Variants in MAP3K7CL observed in about 807,000 individuals in gnomAD.
MAP3K7CL encodes MAP3K7 C-terminal like.
A neutral mutation model predicts 18.6 loss-of-function variants in MAP3K7CL; 16 were observed. The observed-to-expected ratio is 0.86, with a 90% CI of 0.58 to 1.31. MAP3K7CL has a LOEUF of 1.31. Among genes scored for constraint, MAP3K7CL ranks in the 50% most tolerant of loss-of-function variants. MAP3K7CL has a pLI of 0.00. For missense variants in MAP3K7CL, 163 were observed against 174.4 expected, an observed-to-expected ratio of 0.93 and a Z score of 0.37; for synonymous variants, 65 against 66.8, an observed-to-expected ratio of 0.97 and a Z score of 0.13.
chr21:29,092,789 G>A (rs1334721233), intron 4 of MAP3K7CL, among the ~76,000 whole-genome samples: 3 of 152,158 alleles, frequency 2.0e-5, no homozygotes, highest in African/African-American at 7.2e-5. Context: ...ACCAGGCAGG[G>A]GCTGCAGTTT....
intron 4 of MAP3K7CL, among the ~76,000 whole-genome samples, chr21:29,173,721 A>G (rs2087898258): frequency 6.6e-6 from 1 of 152,102 alleles, no homozygotes; most frequent in African/African-American, 2.4e-5. Flanking sequence ...TCCTTTTTTG[A>G]GACAGGATCT....
At chr21:29,083,846 G>A (rs1357781782), upstream of MAP3K7CL, among the ~76,000 whole-genome samples, 2 of 147,828 alleles carry the variant, frequency 1.4e-5, no homozygotes, top group Non-Finnish European at 1.5e-5. Context: ...GTGTGTGTGT[G>A]TATATATGTG....
At chr21:29,136,825 A>G (rs182084624) in intron 2 of MAP3K7CL, among the ~76,000 whole-genome samples, 26 of 152,254 alleles carry the variant, frequency 1.7e-4, no homozygotes, top group Middle Eastern at 3.4e-3. Context: ...CTGGCCCGAC[A>G]TGTTCATTTC....
upstream of MAP3K7CL, among the ~76,000 whole-genome samples, chr21:29,084,068 A>C (rs1601116510): frequency 6.7e-6 from 1 of 148,336 alleles, no homozygotes; most frequent in Non-Finnish European, 1.5e-5. Context: ...ATATACATGT[A>C]TAATATGTAT....
chr21:29,083,472 G>A (rs1356449403), upstream of MAP3K7CL, among the ~76,000 whole-genome samples: 1 of 152,130 alleles, frequency 6.6e-6, no homozygotes, highest in Non-Finnish European at 1.5e-5. Flanking sequence ...ATCTCTACTC[G>A]ATGCCTGTTT....
chr21:29,131,827 A>G (rs2086786732), intron 1 of MAP3K7CL, among the ~76,000 whole-genome samples: 1 of 152,176 alleles, frequency 6.6e-6, no homozygotes, highest in African/African-American at 2.4e-5. Flanking sequence ...GTATATATAT[A>G]TGCATTGGCT....
At chr21:29,150,027 C>T (rs1368292877) in intron 3 of MAP3K7CL, among the ~76,000 whole-genome samples, 1 of 152,166 alleles carries the variant, frequency 6.6e-6, no homozygotes, top group African/African-American at 2.4e-5. Context: ...ATTTCTTAGT[C>T]ACCACTTTTT....
At chr21:29,147,489 G>A (rs1213761708) in intron 2 of MAP3K7CL, among the ~76,000 whole-genome samples, 3 of 151,676 alleles carry the variant, frequency 2.0e-5, no homozygotes, top group Non-Finnish European at 2.9e-5. Context: ...TATCTGTACT[G>A]TATACATGTG....
At chr21:29,099,620 T>C (rs953908845) in intron 4 of MAP3K7CL, among the ~76,000 whole-genome samples, 1 of 152,202 alleles carries the variant, frequency 6.6e-6, no homozygotes, top group African/African-American at 2.4e-5. Context: ...GTCTGTGTAC[T>C]GAGTTGTAGC....
upstream of MAP3K7CL, chr21:29,127,919 CTG>C (rs1306795663): frequency 3.3e-5 from 5 of 152,252 alleles, no homozygotes; most frequent in Non-Finnish European, 7.3e-5. Flanking sequence ...CTTTCTATCT[CTG>C]TATGGTTCTT....
intron 1 of MAP3K7CL, among the ~76,000 whole-genome samples, chr21:29,089,168 CAAAAAAAAAAAAAAA>C (rs748166183): frequency 1.0e-4 from 7 of 68,530 alleles, no homozygotes; most frequent in South Asian, 7.3e-4. Context: ...GACTCCGTCT[CAAAAAAAAAAAAAAA>C]AAAAAAAAAA....
At chr21:29,100,083 TAAA>T (rs397727880) in intron 4 of MAP3K7CL, among the ~76,000 whole-genome samples, 13 of 122,812 alleles carry the variant, frequency 1.1e-4, no homozygotes, top group South Asian at 7.8e-4. Flanking sequence ...ACTCCGTCTT[TAAA>T]AAAAAAAAAA....
At chr21:29,085,259 G>A (rs898516604), upstream of MAP3K7CL, 1 of 152,240 alleles carries the variant, frequency 6.6e-6, no homozygotes, top group African/African-American at 2.4e-5. Flanking sequence ...GACCAACAAG[G>A]GCTTGACATG....
At chr21:29,154,006 A>G (rs1387376777) in intron 3 of MAP3K7CL, among the ~76,000 whole-genome samples, 1 of 152,206 alleles carries the variant, frequency 6.6e-6, no homozygotes, top group Non-Finnish European at 1.5e-5. Flanking sequence ...AAGAATGACA[A>G]TGACCAAGGC....
At chr21:29,171,088 G>A (rs2087815892) in intron 4 of MAP3K7CL, among the ~76,000 whole-genome samples, 1 of 152,058 alleles carries the variant, frequency 6.6e-6, no homozygotes, top group Non-Finnish European at 1.5e-5. Context: ...TTAATCAGAA[G>A]ATAGGCTTGA....
At chr21:29,108,562 T>C (rs2086364528) in intron 4 of MAP3K7CL, among the ~76,000 whole-genome samples, 1 of 152,226 alleles carries the variant, frequency 6.6e-6, no homozygotes, top group African/African-American at 2.4e-5. Context: ...TCCCTGTGCT[T>C]ATATCAGTAC....
chr21:29,157,183 G>A (rs2087427468), intron 3 of MAP3K7CL, among the ~76,000 whole-genome samples: 1 of 152,134 alleles, frequency 6.6e-6, no homozygotes, highest in African/African-American at 2.4e-5. Flanking sequence ...GTACAGTTTG[G>A]TAGTGTTAAG....
intron 3 of MAP3K7CL, among the ~76,000 whole-genome samples, chr21:29,151,666 G>C (rs1264533955): frequency 6.6e-6 from 1 of 152,032 alleles, no homozygotes; most frequent in Non-Finnish European, 1.5e-5. Context: ...GCATATTCAG[G>C]CTATTGTTCT....
chr21:29,126,571 G>A (rs940748966), upstream of MAP3K7CL, among the ~76,000 whole-genome samples: 1 of 152,142 alleles, frequency 6.6e-6, no homozygotes, highest in Non-Finnish European at 1.5e-5. Flanking sequence ...TGATTCTCCT[G>A]CCTCAGCCTC....
Sources: gnomAD v4.1 joint callset for allele counts (sites outside exome capture counted in the v4.1 genomes callset) on GRCh38, gnomAD v4.1.1 for gene constraint, MANE v1.5 for transcripts, NCBI Gene and HGNC (gene_info 2026-07-23, HGNC 2026-07-21) for gene names.